The following RASA2 variants were observed in gnomAD, a reference collection of about 807,000 sequenced individuals.
The protein encoded by RASA2 is RAS p21 protein activator 2.
Under a neutral mutation model 118.2 loss-of-function variants are expected in RASA2, and 155 were observed. That is an observed-to-expected ratio of 1.31 (90% CI 1.15 to 1.50). The LOEUF is 1.50. Among genes scored for constraint, RASA2 ranks in the 40% most tolerant of loss-of-function variants. The pLI is 0.00. For synonymous variants in RASA2, 353 were observed against 349.1 expected, an observed-to-expected ratio of 1.01 and a Z score of -0.12; for missense variants, 1,016 against 1,009.6, an observed-to-expected ratio of 1.01 and a Z score of -0.09.
intron 1 of RASA2, among the ~76,000 whole-genome samples, chr3:141,509,554 T>A (rs1052926012): frequency 6.6e-6 from 1 of 152,206 alleles, no homozygotes; most frequent in Admixed American, 6.5e-5. Flanking sequence ...AATTCCAAAT[T>A]TTTTATATTT....
intron 5 of RASA2, 115 bp from the exon 6 acceptor site, chr3:141,553,742 A>G: frequency 6.8e-7 from 1 of 1,479,350 alleles, no homozygotes; most frequent in Non-Finnish European, 9.0e-7. Context: ...ATACAACTGC[A>G]GACACATGGA....
chr3:141,495,753 A>G (rs2081693370), intron 1 of RASA2, among the ~76,000 whole-genome samples: 5 of 152,250 alleles, frequency 3.3e-5, no homozygotes, highest in African/African-American at 2.4e-5. Context: ...GAAGAGGCAT[A>G]TACAAAGATA....
At chr3:141,509,573 A>G (rs2081919555) in intron 1 of RASA2, among the ~76,000 whole-genome samples, 1 of 152,210 alleles carries the variant, frequency 6.6e-6, no homozygotes, top group Non-Finnish European at 1.5e-5. Flanking sequence ...TTTAGGTCCT[A>G]TATTGCGACC....
chr3:141,583,555 G>A (rs879757958), intron 17 of RASA2, among the ~76,000 whole-genome samples: 11 of 152,144 alleles, frequency 7.2e-5, no homozygotes, highest in South Asian at 2.1e-4. Context: ...TGGGAGAGTC[G>A]ATGCTGTGAT....
At chr3:141,608,786 C>A in intron 21 of RASA2, 89 bp downstream of exon 21, 1 of 1,350,946 alleles carries the variant, frequency 7.4e-7, no homozygotes, top group Non-Finnish European at 1.0e-6. Context: ...AAAGGAATGA[C>A]ATACTGATCC....
intron 17 of RASA2, among the ~76,000 whole-genome samples, chr3:141,582,618 C>T (rs536208749): frequency 1.3e-4 from 20 of 152,316 alleles, no homozygotes; most frequent in South Asian, 1.0e-3. Flanking sequence ...GGGTCACCCA[C>T]TCACATTCTA....
At chr3:141,530,499 G>T (rs1434657594) in intron 4 of RASA2, among the ~76,000 whole-genome samples, 1 of 151,864 alleles carries the variant, frequency 6.6e-6, no homozygotes, top group Non-Finnish European at 1.5e-5. Context: ...ATAAAATATG[G>T]TAAGGATTGT....
At chr3:141,501,892 A>G (rs1257116376) in intron 1 of RASA2, among the ~76,000 whole-genome samples, 1 of 152,062 alleles carries the variant, frequency 6.6e-6, no homozygotes, top group African/African-American at 2.4e-5. Flanking sequence ...AATGTAAATG[A>G]CAAAATGTGC....
intron 9 of RASA2, among the ~76,000 whole-genome samples, chr3:141,567,955 C>T (rs561349431): frequency 6.6e-6 from 1 of 152,096 alleles, no homozygotes; most frequent in Non-Finnish European, 1.5e-5. Flanking sequence ...GAGAGAATTT[C>T]CCAGACCCAA....
At chr3:141,497,339 G>A (rs899868007) in intron 1 of RASA2, among the ~76,000 whole-genome samples, 1 of 150,794 alleles carries the variant, frequency 6.6e-6, no homozygotes, top group African/African-American at 2.4e-5. Context: ...AAAAAAGAGC[G>A]AGTTAGCCTT....
chr3:141,575,166 A>C (rs1176807393), intron 14 of RASA2, among the ~76,000 whole-genome samples: 3 of 152,172 alleles, frequency 2.0e-5, no homozygotes, highest in Non-Finnish European at 2.9e-5. Context: ...CAAAACTGTA[A>C]GTTTATTTCT....
Position 141,586,679 on chromosome 3 carries a change from G to A in RASA2, c.1860G>A (p.Arg620=). Residue 620 remains arginine, a synonymous_variant, in exon 19 of 24, where the codon CGG becomes CGA. Transcript: ENST00000286364. ...ATAAAAGAGCTCAAGGAAGAACTCG[G>A]ATTGGAAAAAAGAATTTTAAGAAAC... ...EMYKRAQGRT[R]IGKKNFKKRW... 1 of 1,613,436 alleles carries A rather than the reference G, an allele frequency of 6.2e-7. No homozygotes were observed. Among genetic ancestry groups the A allele is most frequent in the Non-Finnish European group, 8.5e-7 (1 of 1,179,556 alleles).
At chr3:141,515,274 C>G (rs1309040391) in intron 2 of RASA2, among the ~76,000 whole-genome samples, 2 of 151,680 alleles carry the variant, frequency 1.3e-5, no homozygotes, top group South Asian at 2.1e-4. Context: ...TTTGAAGTAG[C>G]CTTTCACATA....
At chr3:141,581,057 T>A in intron 16 of RASA2, 43 bp from the exon 17 acceptor site, 1 of 1,454,854 alleles carries the variant, frequency 6.9e-7, no homozygotes, top group Middle Eastern at 1.8e-4. Flanking sequence ...TATTCTTAAT[T>A]CTCTATTTAA....
At chr3:141,602,907 A>G (rs1303116620) in intron 19 of RASA2, among the ~76,000 whole-genome samples, 2 of 152,186 alleles carry the variant, frequency 1.3e-5, no homozygotes, top group East Asian at 1.9e-4. Context: ...TCAGGCAGGG[A>G]TCTGGCAAGT....
At chr3:141,577,148 AT>A in intron 15 of RASA2, 42 bp downstream of exon 15, 2 of 1,435,888 alleles carry the variant, frequency 1.4e-6, no homozygotes, top group Non-Finnish European at 9.6e-7. Context: ...CATTTTTTTA[AT>A]TTTTATTAAA....
intron 5 of RASA2, among the ~76,000 whole-genome samples, chr3:141,551,445 A>G (rs1336197608): frequency 6.6e-6 from 1 of 152,188 alleles, no homozygotes; most frequent in Non-Finnish European, 1.5e-5. Context: ...ATTTCCTCAT[A>G]TATACACGTA....
At chr3:141,581,263 C>A in intron 17 of RASA2, 86 bp downstream of exon 17, 1 of 1,010,760 alleles carries the variant, frequency 9.9e-7, no homozygotes, top group Non-Finnish European at 1.3e-6. Flanking sequence ...TATTATCAAT[C>A]CCCAGTTTAA....
chr3:141,608,785 A>G lies in RASA2; in HGVS notation c.2225+88A>G. The G allele has an allele frequency of 2.2e-6, 3 of 1,385,184 alleles. No homozygotes were observed. The South Asian group carries it at 3.8e-5, about 18-fold the overall frequency. The allele number at this position is 1,385,184 out of a possible 1,614,324, so 85.8% of individuals were successfully genotyped here. On this transcript the variant is annotated intron_variant, in intron 21 of 23. Transcript: ENST00000286364. The stretch of plus-strand genomic sequence containing the variant: ...TATTATTTGTCCATGAAAAGGAATG[A>G]CATACTGATCCATGCAACAACAAGG...
Sources: allele counts gnomAD v4.1 joint callset (sites outside exome capture counted in the v4.1 genomes callset), GRCh38; gene constraint gnomAD v4.1.1; transcripts MANE v1.5; gene names NCBI Gene and HGNC (gene_info 2026-07-23, HGNC 2026-07-21).